The following GAB2 variants were observed in gnomAD, a reference collection of about 807,000 sequenced individuals.
The protein encoded by GAB2 is GRB2-associated-binding protein 2.
GAB2 carries 26 observed loss-of-function variants against 65.5 expected under a neutral mutation model. The ratio of observed to expected loss-of-function variants is 0.40; its 90% CI spans 0.29 to 0.55. The LOEUF (loss-of-function observed/expected upper bound fraction) is 0.55, where lower values mean the gene tolerates loss of function less well. Among genes scored for constraint, GAB2 ranks in the 20% least tolerant of loss-of-function variants. The pLI, the probability that GAB2 is intolerant of heterozygous loss-of-function variation, is 0.53. For missense variants in GAB2, 884 were observed against 875.8 expected (o/e 1.01, Z -0.12); for synonymous variants, 321 against 329.6 (o/e 0.97, Z 0.28).
intron 1 of GAB2, among the ~76,000 whole-genome samples, chr11:78,377,043 T>C (rs766694254): frequency 1.3e-5 from 2 of 152,178 alleles, no homozygotes; most frequent in African/African-American, 4.8e-5. Context: ...CTCTTCCCCT[T>C]TCATCTCCTG....
At chr11:78,376,745 C>T (rs576260625) in intron 1 of GAB2, among the ~76,000 whole-genome samples, 5 of 152,262 alleles carry the variant, frequency 3.3e-5, no homozygotes, top group African/African-American at 1.2e-4. Context: ...GAGACTGTGA[C>T]TAGGGAAGTG....
At chr11:78,272,476 C>T (rs1866042110) in intron 2 of GAB2, among the ~76,000 whole-genome samples, 1 of 152,072 alleles carries the variant, frequency 6.6e-6, no homozygotes. Flanking sequence ...TTACCCCTGC[C>T]CTAGAGATTT....
chr11:78,258,752 C>T (rs1590973360), intron 2 of GAB2, among the ~76,000 whole-genome samples: 2 of 152,034 alleles, frequency 1.3e-5, no homozygotes, highest in East Asian at 3.9e-4. Context: ...CATGCACCAC[C>T]ATGCCTGGCC....
intron 7 of GAB2, 125 bp from the exon 8 acceptor site, chr11:78,221,904 G>C (rs1375613664): frequency 4.3e-6 from 3 of 699,396 alleles, no homozygotes; most frequent in African/African-American, 1.8e-5. Flanking sequence ...CACTCCATCA[G>C]ATTAAGATCT....
intron 4 of GAB2, among the ~76,000 whole-genome samples, chr11:78,225,516 A>G (rs1466346322): frequency 6.6e-6 from 1 of 152,202 alleles, no homozygotes; most frequent in African/African-American, 2.4e-5. Flanking sequence ...TTCTCTGAAC[A>G]CCACAGTAAC....
intron 1 of GAB2, among the ~76,000 whole-genome samples, chr11:78,380,301 G>A (rs553002871): frequency 5.3e-5 from 8 of 151,598 alleles, no homozygotes; most frequent in Non-Finnish European, 7.4e-5. Context: ...TCCGCCTCCC[G>A]GGTTCAAGTG....
intron 1 of GAB2, among the ~76,000 whole-genome samples, chr11:78,290,821 G>A (rs990653012): frequency 2.2e-4 from 33 of 152,226 alleles, no homozygotes; most frequent in African/African-American, 5.3e-4. Context: ...TTTTTAGAAC[G>A]TAAGAACTTT....
At chr11:78,298,218 C>CAA (rs1320960141) in intron 1 of GAB2, among the ~76,000 whole-genome samples, 3 of 152,144 alleles carry the variant, frequency 2.0e-5, no homozygotes, top group African/African-American at 7.2e-5. Flanking sequence ...AGGGCATATG[C>CAA]AACCAAGATA....
intron 3 of GAB2, among the ~76,000 whole-genome samples, chr11:78,245,936 T>A (rs1457694650): frequency 6.6e-6 from 1 of 150,736 alleles, no homozygotes; most frequent in East Asian, 2.0e-4. Context: ...AGGGTTTTTT[T>A]ATTTTCTTTT....
At chr11:78,246,685 G>C (rs769404971) in intron 3 of GAB2, among the ~76,000 whole-genome samples, 17 of 152,108 alleles carry the variant, frequency 1.1e-4, no homozygotes, top group Non-Finnish European at 1.9e-4. Flanking sequence ...TTTTAGTAGA[G>C]ATGGGGTTTC....
At chr11:78,293,805 G>C (rs1866745756) in intron 1 of GAB2, among the ~76,000 whole-genome samples, 1 of 152,192 alleles carries the variant, frequency 6.6e-6, no homozygotes, top group Non-Finnish European at 1.5e-5. Flanking sequence ...TGTCGCCTAA[G>C]AACAGCCAAC....
chr11:78,279,957 C>T (rs1046363391), intron 2 of GAB2, among the ~76,000 whole-genome samples: 3 of 152,280 alleles, frequency 2.0e-5, no homozygotes, highest in African/African-American at 7.2e-5. Context: ...CTCTGCTCTT[C>T]AACCATCCCA....
intron 1 of GAB2, among the ~76,000 whole-genome samples, chr11:78,395,261 C>G (rs1856882359): frequency 6.6e-6 from 1 of 152,370 alleles, no homozygotes; most frequent in East Asian, 1.9e-4. Context: ...CGAGACCATC[C>G]TGGCCAACAC....
At position 78,385,918 on chromosome 11, in the gene GAB2, G is replaced by A. The variant is rs1591080008; in HGVS notation, c.75+31728C>T. ...CATCTTTCATGCCTAGCACAAGACT[G>A]ATACATAATTAGTATTTTATTAATA... On this transcript the variant is annotated intron_variant, in intron 1 of 9. Coordinates refer to ENST00000361507, the MANE Select transcript of GAB2 (RefSeq NM_080491.3). Among the ~76,000 whole-genome samples, 11 of 152,190 alleles carry A rather than the reference G, an allele frequency of 7.2e-5. No homozygotes were observed. In the South Asian group the frequency reaches 2.3e-3, roughly 32 times the overall value.
chr11:78,357,246 T>C (rs185181736), intron 1 of GAB2, among the ~76,000 whole-genome samples: 15 of 152,312 alleles, frequency 9.8e-5, no homozygotes, highest in African/African-American at 3.6e-4. Context: ...CCTGAGGTTA[T>C]TTATGTAACA....
At chr11:78,293,832 A>T (rs1866746362) in intron 1 of GAB2, among the ~76,000 whole-genome samples, 1 of 152,228 alleles carries the variant, frequency 6.6e-6, no homozygotes, top group African/African-American at 2.4e-5. Flanking sequence ...AGAGCAAGAG[A>T]AAAAGAGTAC....
intron 1 of GAB2, among the ~76,000 whole-genome samples, chr11:78,375,052 TA>T (rs1856615777): frequency 6.6e-6 from 1 of 152,204 alleles, no homozygotes; most frequent in South Asian, 2.1e-4. Context: ...ATTTATTTTG[TA>T]TTTTCTTTAG....
At chr11:78,231,583 C>T (rs1387135353) in intron 3 of GAB2, among the ~76,000 whole-genome samples, 3 of 152,180 alleles carry the variant, frequency 2.0e-5, no homozygotes, top group African/African-American at 2.4e-5. Context: ...CTCCTGACCT[C>T]GTGGTCTGCC....
At chr11:78,388,564 G>C (rs769344960) in intron 1 of GAB2, among the ~76,000 whole-genome samples, 2 of 151,840 alleles carry the variant, frequency 1.3e-5, no homozygotes, top group Non-Finnish European at 2.9e-5. Context: ...GTGGGCTCAA[G>C]TGATCCTCCT....
Sources: gnomAD v4.1 joint callset for allele counts (sites outside exome capture counted in the v4.1 genomes callset) on GRCh38, gnomAD v4.1.1 for gene constraint, MANE v1.5 for transcripts, NCBI Gene and HGNC (gene_info 2026-07-23, HGNC 2026-07-21) for gene names.